The following SYT13 variants were observed in gnomAD, a reference collection of about 807,000 sequenced individuals.
SYT13 encodes the protein synaptotagmin-13.
Under a neutral mutation model 38.6 loss-of-function variants are expected in SYT13, and 21 were observed. The ratio of observed to expected loss-of-function variants is 0.54; its 90% confidence interval spans 0.39 to 0.78. SYT13 has a LOEUF of 0.78. SYT13 is among the 30% of genes least tolerant of loss of function. SYT13 has a pLI of 0.00. For missense variants in SYT13, 495 were observed against 548.7 expected (o/e 0.90, Z 0.98); for synonymous variants, 241 against 237.6 (o/e 1.01, Z -0.13).
At chr11:45,251,862 C>T (rs1273945542) in intron 4 of SYT13, among the ~76,000 whole-genome samples, 1 of 152,234 alleles carries the variant, frequency 6.6e-6, no homozygotes, top group African/African-American at 2.4e-5. Context: ...CCTGATTGCT[C>T]CTTCAGAGCC....
Position 45,252,314 on chromosome 11 carries a change from G to T in SYT13, c.846+107C>A. Reference sequence around the variant, plus strand: ...TCCCTTCCAGCCCCAAGCCAGGGAGGTCTCTGAGGCTTGTTCCCTAAGACT... The same window carrying T: ...TCCCTTCCAGCCCCAAGCCAGGGAGTTCTCTGAGGCTTGTTCCCTAAGACT... On this transcript the variant is annotated intron_variant, in intron 4 of 5. Coordinates refer to ENST00000020926, the MANE Select transcript of SYT13 (RefSeq NM_020826.3). The surrounding 1 kb of genome is among the most constrained non-coding windows in gnomAD (Gnocchi z 4.3). 1.5e-6 allele frequency: 2 copies of T among 1,326,852 alleles called. No homozygotes were observed. Among genetic ancestry groups the T allele is most frequent in the Non-Finnish European group, 2.0e-6 (2 of 984,000 alleles). The allele number at this position is 1,326,852 out of a possible 1,614,324, so 82.2% of individuals were successfully genotyped here.
chr11:45,246,543 G>A (rs1042764258), intron 4 of SYT13, 31 bp from the exon 5 acceptor site: 1 of 1,610,898 alleles, frequency 6.2e-7, no homozygotes, highest in Non-Finnish European at 8.5e-7. Flanking sequence ...CAGGAGGGGA[G>A]TCTCACCTGG....
In SYT13 at chr11:45,240,313, A is replaced by T. The variant is rs890186528; in HGVS notation, c.*3739T>A. On this transcript the variant is annotated 3_prime_UTR_variant, in exon 6 of 6. Coordinates refer to ENST00000020926, the MANE Select transcript of SYT13 (RefSeq NM_020826.3). ...CACCAGGCAGCTGACCCTGTTGGAAATTTTTTATTTACCACTGCAAGGTTT... is the reference window on the plus strand; with the variant it reads ...CACCAGGCAGCTGACCCTGTTGGAATTTTTTTATTTACCACTGCAAGGTTT... The T allele has an allele frequency of 6.6e-6, 1 of 152,628 alleles. No individual in the cohort carries two copies. The highest frequency in any genetic ancestry group is 1.5e-5 in the Non-Finnish European group (1 of 68,032). The allele number at this position is 152,628 out of a possible 1,614,324, so 9.5% of individuals were successfully genotyped here. A position where few individuals can be genotyped will look rare whatever the true frequency, so the allele number is the denominator to read the frequency against.
At chr11:45,262,769 A>AC (rs879343529) in intron 1 of SYT13, among the ~76,000 whole-genome samples, 31,988 of 72,726 alleles carry the variant, frequency 0.44, 5,310 homozygotes, top group Non-Finnish European at 0.55. Flanking sequence ...ACACACACAC[A>AC]AATTGAACTG....
At chr11:45,272,864 G>A (rs1021112375) in intron 1 of SYT13, among the ~76,000 whole-genome samples, 7 of 152,174 alleles carry the variant, frequency 4.6e-5, no homozygotes, top group African/African-American at 1.7e-4. Context: ...TGAATCAAAT[G>A]GGAAAACGAA....
intron 1 of SYT13, among the ~76,000 whole-genome samples, chr11:45,278,138 G>A (rs113116750): frequency 0.031 from 4,790 of 152,252 alleles, 123 homozygotes; most frequent in African/African-American, 0.074. Context: ...GTGCACGTGT[G>A]TTGATTCTGA....
chr11:45,252,302 C>G lies in SYT13; in HGVS notation c.846+119G>C. The G allele has an allele frequency of 8.0e-7, 1 of 1,251,476 alleles. No homozygotes were observed. The highest frequency in any genetic ancestry group is 1.1e-6 in the Non-Finnish European group (1 of 916,410). The allele number at this position is 1,251,476 out of a possible 1,614,324, so 77.5% of individuals were successfully genotyped here. ...AAGATTCCAACCTCCCTTCCAGCCC[C>G]AAGCCAGGGAGGTCTCTGAGGCTTG... is the stretch of plus-strand genomic sequence containing the variant. On this transcript the variant is annotated intron_variant, in intron 4 of 5. Transcript: ENST00000020926. This position sits in a 1 kb window ranked among gnomAD's most constrained non-coding sequence, Gnocchi z 4.3.
chr11:45,282,617 T>C (rs75283866), intron 1 of SYT13, among the ~76,000 whole-genome samples: 179 of 152,320 alleles, frequency 1.2e-3, no homozygotes, highest in African/African-American at 4.1e-3. Flanking sequence ...GTAAATCTAA[T>C]GTGAACCATC....
chr11:45,258,937 T>A (rs1038755034), intron 1 of SYT13, among the ~76,000 whole-genome samples: 2 of 152,138 alleles, frequency 1.3e-5, no homozygotes, highest in African/African-American at 4.8e-5. Context: ...ATCCTACTGT[T>A]TCACAATGAG....
chr11:45,263,678 G>A (rs1462227709), intron 1 of SYT13, among the ~76,000 whole-genome samples: 1 of 152,218 alleles, frequency 6.6e-6, no homozygotes, highest in Non-Finnish European at 1.5e-5. Flanking sequence ...ACCTGCAAGA[G>A]TCTGTCGCTC....
intron 1 of SYT13, among the ~76,000 whole-genome samples, chr11:45,278,742 C>A (rs1163878491): frequency 6.6e-6 from 1 of 152,166 alleles, no homozygotes; most frequent in African/African-American, 2.4e-5. Context: ...GGAGATGGGA[C>A]AGGTCAGACC....
chr11:45,264,305 G>C lies in SYT13; in HGVS notation c.184-8414C>G, dbSNP rs1372390668. Among the ~76,000 whole-genome samples the C allele has an allele frequency of 2.6e-5, 4 of 152,188 alleles. No homozygotes were observed. The South Asian group carries it at 6.2e-4, about 24-fold the overall frequency. ...GTATAATCCCCTGTCCTTGAGTATG[G>C]GCTGGACCTAGTGACTTGCTTCGAA... On this transcript the variant is annotated intron_variant, in intron 1 of 5. Transcript: ENST00000020926.
At chr11:45,280,189 T>G (rs978254835) in intron 1 of SYT13, among the ~76,000 whole-genome samples, 3 of 152,048 alleles carry the variant, frequency 2.0e-5, no homozygotes, top group African/African-American at 7.2e-5. Context: ...AAAGAAACAA[T>G]CAGAGAAGGC....
chr11:45,286,312 C>T lies in SYT13; in HGVS notation c.-105G>A. 3.0e-6 allele frequency: 4 copies of T among 1,335,442 alleles called. No individual in the cohort carries two copies. The highest frequency in any genetic ancestry group is 3.0e-6 in the Non-Finnish European group (3 of 1,016,342). 82.7% of individuals were successfully genotyped at this position (1,335,442 alleles called of 1,614,324 possible). A position where few individuals can be genotyped will look rare whatever the true frequency, so the allele number is the denominator to read the frequency against. ...GGATCCGGGCGAGCCAGCAGCTCTCCCGCCGCCAGAGGGGCGGGGACGGAG... is the reference window on the plus strand; with the variant it reads ...GGATCCGGGCGAGCCAGCAGCTCTCTCGCCGCCAGAGGGGCGGGGACGGAG... On this transcript the variant is annotated 5_prime_UTR_variant, in exon 1 of 6. Transcript: ENST00000020926.
intron 2 of SYT13, among the ~76,000 whole-genome samples, chr11:45,254,923 G>T (rs760419344): frequency 6.6e-6 from 1 of 150,720 alleles, no homozygotes; most frequent in Non-Finnish European, 1.5e-5. Flanking sequence ...AGACCAGCCT[G>T]GGCCACATAG....
chr11:45,278,337 G>A (rs1855033639), intron 1 of SYT13, among the ~76,000 whole-genome samples: 1 of 152,146 alleles, frequency 6.6e-6, no homozygotes, highest in Non-Finnish European at 1.5e-5. Context: ...GGTCAGTGTG[G>A]ACAACAAAGG....
chr11:45,276,713 A>T lies in SYT13; in HGVS notation c.183+9312T>A, dbSNP rs370396614. Among the ~76,000 whole-genome samples the T allele has an allele frequency of 9.3e-3, 932 of 100,396 alleles. 14 individuals carry two copies. The highest frequency in any genetic ancestry group is 0.011 in the South Asian group (37 of 3,394). 65.9% of individuals were successfully genotyped at this position (100,396 alleles called of 152,430 possible). ...TTTGCACCCAGTAGGATGACTTTTT[A>T]AAAAAAAAAAATAAATAAAATAAAT... On this transcript the variant is annotated intron_variant, in intron 1 of 5. Transcript: ENST00000020926.
intron 4 of SYT13, among the ~76,000 whole-genome samples, chr11:45,251,612 G>C (rs1403342390): frequency 6.6e-6 from 1 of 152,084 alleles, no homozygotes; most frequent in Non-Finnish European, 1.5e-5. Context: ...CCTTAGATGA[G>C]CTTTGACCCA....
intron 1 of SYT13, among the ~76,000 whole-genome samples, chr11:45,266,424 C>T (rs1163114140): frequency 6.6e-6 from 1 of 151,998 alleles, no homozygotes; most frequent in African/African-American, 2.4e-5. Flanking sequence ...TTTTAAATTA[C>T]TACCAGCAAG....
Sources: gnomAD v4.1 joint callset for allele counts (sites outside exome capture counted in the v4.1 genomes callset) on GRCh38, gnomAD v4.1.1 for gene constraint, Gnocchi (gnomAD v3.1) non-coding constraint, MANE v1.5 for transcripts, NCBI Gene and HGNC (gene_info 2026-07-23, HGNC 2026-07-21) for gene names.